The following EEF2K variants were observed in gnomAD, a reference collection of about 807,000 sequenced individuals.
EEF2K encodes alternative protein EEF2K.
Under a neutral mutation model 93.8 loss-of-function variants are expected in EEF2K, and 70 were observed. The ratio of observed to expected loss-of-function variants is 0.75; its 90% CI spans 0.62 to 0.91. EEF2K has a LOEUF of 0.91. EEF2K is among the 40% of genes least tolerant of loss of function. EEF2K has a pLI of 0.00. For missense variants in EEF2K, 935 were observed against 972.9 expected, an observed-to-expected ratio of 0.96 and a Z score of 0.52; for synonymous variants, 376 against 380.8, an observed-to-expected ratio of 0.99 and a Z score of 0.15.
At chr16:22,281,047 G>GC (rs2047688516) in intron 17 of EEF2K, among the ~76,000 whole-genome samples, 1 of 151,974 alleles carries the variant, frequency 6.6e-6, no homozygotes. Flanking sequence ...TGATTCTTGT[G>GC]CCTCAGCCTC....
rs2047404948 is a variant in EEF2K at position 22,256,771 on chromosome 16, C to T, written c.642C>T (p.Ile214=). The T allele has an allele frequency of 1.9e-6, 3 of 1,613,936 alleles. No homozygotes were observed. Among genetic ancestry groups the T allele is most frequent in the Non-Finnish European group, 2.5e-6 (3 of 1,180,006 alleles). Residue 214 remains isoleucine (I), a synonymous_variant, in exon 7 of 18, where the codon ATC becomes ATT. Transcript: ENST00000263026. ...PKQVDIMQMC[I]IELKDRPGKP... Reference sequence around the variant, plus strand: ...AGGTGGACATCATGCAGATGTGCATCATCGAGCTGAAGGACAGACCGGGCA... The same window carrying T: ...AGGTGGACATCATGCAGATGTGCATTATCGAGCTGAAGGACAGACCGGGCA...
intron 1 of EEF2K, among the ~76,000 whole-genome samples, chr16:22,215,065 C>T (rs1256304723): frequency 6.6e-6 from 1 of 152,024 alleles, no homozygotes; most frequent in Non-Finnish European, 1.5e-5. Context: ...TGGAATGCGA[C>T]CAATCAGAGG....
chr16:22,280,089 G>T, intron 16 of EEF2K, 109 bp from the exon 17 acceptor site: 1 of 1,131,790 alleles, frequency 8.8e-7, no homozygotes, highest in Non-Finnish European at 1.2e-6. Context: ...TGAACCATAG[G>T]TGGTGGCCCT....
chr16:22,276,681 A>C (rs1314198485), intron 16 of EEF2K, among the ~76,000 whole-genome samples: 1 of 152,166 alleles, frequency 6.6e-6, no homozygotes, highest in African/African-American at 2.4e-5. Flanking sequence ...ATATGTTTTC[A>C]GGCCAATTTT....
chr16:22,260,331 T>G (rs940488115), intron 10 of EEF2K, 131 bp from the exon 11 acceptor site: 3 of 813,878 alleles, frequency 3.7e-6, no homozygotes, highest in Admixed American at 4.8e-5. Flanking sequence ...TCTCCTTTTT[T>G]GTGCCTTTCT....
rs748609190 is a variant in EEF2K, at chr16:22,251,236, C to T, written c.532C>T (p.Arg178Trp). The T allele has an allele frequency of 7.4e-6, 12 of 1,613,954 alleles. No individual in the cohort carries two copies. The highest frequency in any genetic ancestry group is 1.1e-5 in the South Asian group (1 of 91,080). Reference protein sequence around the residue: ...VAKRYIEPVDRDVYFEDVRLQ... With the variant: ...VAKRYIEPVDWDVYFEDVRLQ... ...GAAGCGCTACATCGAGCCCGTAGACCGGGATGTGTACTTTGAGGACGTGCG... is the reference window on the plus strand; with the variant it reads ...GAAGCGCTACATCGAGCCCGTAGACTGGGATGTGTACTTTGAGGACGTGCG... Residue 178 changes from arginine (R) to tryptophan (W), a missense_variant, in exon 6 of 18, where the codon CGG (arginine) becomes TGG (tryptophan). By Grantham distance (101) the Arg-to-Trp change is moderately radical. Coordinates refer to ENST00000263026, the MANE Select transcript of EEF2K (RefSeq NM_013302.5).
At chr16:22,266,136 C>T (rs1974856) in intron 13 of EEF2K, among the ~76,000 whole-genome samples, 9,021 of 151,822 alleles carry the variant, frequency 0.059, 911 homozygotes, top group African/African-American at 0.21. Flanking sequence ...GCAGAAGAAT[C>T]GCTTGAACCT....
chr16:22,254,641 A>C (rs911623545), intron 6 of EEF2K, among the ~76,000 whole-genome samples: 3 of 152,204 alleles, frequency 2.0e-5, no homozygotes, highest in Non-Finnish European at 4.4e-5. Flanking sequence ...TCTGTGTACA[A>C]AATTAAACAT....
At chr16:22,229,620 G>C (rs913422025) in intron 2 of EEF2K, among the ~76,000 whole-genome samples, 2 of 152,160 alleles carry the variant, frequency 1.3e-5, no homozygotes, top group Non-Finnish European at 2.9e-5. Flanking sequence ...AGAATCACTT[G>C]AACCCAGGAG....
At chr16:22,230,030 G>A (rs1452872273) in intron 2 of EEF2K, among the ~76,000 whole-genome samples, 1 of 152,152 alleles carries the variant, frequency 6.6e-6, no homozygotes, top group Non-Finnish European at 1.5e-5. Flanking sequence ...GGTCTCCTCT[G>A]GGGTCCGGGG....
At chr16:22,256,934 A>C (rs1345805681) in intron 7 of EEF2K, 37 bp downstream of exon 7, 1 of 1,610,434 alleles carries the variant, frequency 6.2e-7, no homozygotes, top group South Asian at 1.1e-5. Context: ...TGCCCACCAC[A>C]GCCCTTGGGG....
chr16:22,251,089 G>C lies in EEF2K; in HGVS notation c.447-62G>C, dbSNP rs543207264. On this transcript the variant is annotated intron_variant, in intron 5 of 17. Coordinates refer to ENST00000263026, the MANE Select transcript of EEF2K (RefSeq NM_013302.5). Reference sequence around the variant, plus strand: ...CAGGGTCTTGCTGTCCTGAGGACCAGGGCTGTGTCCCTGGTGAACCCCAGA... The same window carrying C: ...CAGGGTCTTGCTGTCCTGAGGACCACGGCTGTGTCCCTGGTGAACCCCAGA... 25 of 1,568,386 alleles carry C rather than the reference G, an allele frequency of 1.6e-5. No individual in the cohort carries two copies. The East Asian group carries it at 5.1e-4, about 32-fold the overall frequency.
At chr16:22,275,470 G>A (rs1481526010) in intron 16 of EEF2K, among the ~76,000 whole-genome samples, 2 of 151,692 alleles carry the variant, frequency 1.3e-5, no homozygotes, top group Non-Finnish European at 2.9e-5. Context: ...AGCCTCCCAA[G>A]TAGCTGGTAT....
chr16:22,262,880 T>C (rs930140763), intron 11 of EEF2K, among the ~76,000 whole-genome samples: 7 of 152,192 alleles, frequency 4.6e-5, no homozygotes, highest in African/African-American at 1.4e-4. Context: ...TGCTCCCTCG[T>C]TGGCCAGGCA....
At chr16:22,253,327 TA>T (rs2141671364) in intron 6 of EEF2K, among the ~76,000 whole-genome samples, 1 of 152,278 alleles carries the variant, frequency 6.6e-6, no homozygotes, top group Admixed American at 6.5e-5. Flanking sequence ...GTGCAGAATT[TA>T]TTGAGCACCT....
At chr16:22,248,894 T>C in intron 4 of EEF2K, 79 bp downstream of exon 4, 1 of 1,385,578 alleles carries the variant, frequency 7.2e-7, no homozygotes. Context: ...TGCACCCTTC[T>C]CTCCCACTCC....
chr16:22,226,612 C>G lies in EEF2K; in HGVS notation c.246+637C>G, dbSNP rs189196652. On this transcript the variant is annotated intron_variant, in intron 2 of 17. Coordinates refer to ENST00000263026, the MANE Select transcript of EEF2K (RefSeq NM_013302.5). Reference sequence around the variant, plus strand: ...CTTACTGCAGCCTTGAATTCCTAGGCTCAAGCAAGCCTCCCACCTCAGCCT... The same window carrying G: ...CTTACTGCAGCCTTGAATTCCTAGGGTCAAGCAAGCCTCCCACCTCAGCCT... Among the ~76,000 whole-genome samples the G allele has an allele frequency of 4.5e-3, 664 of 148,410 alleles. 3 individuals are homozygous for G. The highest frequency in any genetic ancestry group is 0.016 in the African/African-American group (635 of 40,098).
At chr16:22,240,534 A>G (rs577430334) in intron 2 of EEF2K, among the ~76,000 whole-genome samples, 286 of 152,300 alleles carry the variant, frequency 1.9e-3, no homozygotes, top group African/African-American at 6.4e-3. Context: ...TCACTTCAGC[A>G]CTGTTTGTAC....
chr16:22,233,546 G>A (rs2047137156), intron 2 of EEF2K, among the ~76,000 whole-genome samples: 1 of 151,720 alleles, frequency 6.6e-6, no homozygotes. Context: ...AAATAGCCGG[G>A]CATGGAGGTG....
Sources: allele counts gnomAD v4.1 joint callset (sites outside exome capture counted in the v4.1 genomes callset), GRCh38; gene constraint gnomAD v4.1.1; transcripts MANE v1.5; gene names NCBI Gene and HGNC (gene_info 2026-07-23, HGNC 2026-07-21).